Variants in BMPR1B observed in about 807,000 individuals in gnomAD.
The protein encoded by BMPR1B is bone morphogenetic protein receptor type-1B.
In BMPR1B, 12 loss-of-function variants were observed where a neutral mutation model predicts 59.1. That is an observed-to-expected ratio of 0.20 (90% CI 0.13 to 0.33). The LOEUF (loss-of-function observed/expected upper bound fraction) is 0.33, where lower values mean the gene tolerates loss of function less well. BMPR1B is among the 10% of genes least tolerant of loss of function. The pLI is 1.00. For missense variants in BMPR1B, 550 were observed against 610.9 expected, an observed-to-expected ratio of 0.90 and a Z score of 1.05; for synonymous variants, 237 against 207.3, an observed-to-expected ratio of 1.14 and a Z score of -1.23.
chr4:94,968,531 T>G (rs188477976), intron 2 of BMPR1B, among the ~76,000 whole-genome samples: 6 of 152,306 alleles, frequency 3.9e-5, no homozygotes, highest in Non-Finnish European at 7.4e-5. Flanking sequence ...GTTAACCACT[T>G]AAATGTGTTT....
At chr4:94,823,747 GGT>G (rs1491527156) in intron 1 of BMPR1B, among the ~76,000 whole-genome samples, 3 of 47,794 alleles carry the variant, frequency 6.3e-5, no homozygotes, top group Admixed American at 3.1e-4. Flanking sequence ...GTATCCTTTT[GGT>G]TTTTTTTTTT....
At chr4:94,897,623 C>T (rs943330902) in intron 2 of BMPR1B, among the ~76,000 whole-genome samples, 1 of 151,914 alleles carries the variant, frequency 6.6e-6, no homozygotes, top group African/African-American at 2.4e-5. Context: ...CTGTATGTTG[C>T]TTTGTACATG....
At chr4:94,978,590 CCAAA>C (rs1731115618) in intron 2 of BMPR1B, among the ~76,000 whole-genome samples, 1 of 152,118 alleles carries the variant, frequency 6.6e-6, no homozygotes, top group South Asian at 2.1e-4. Context: ...CTTTCACACA[CCAAA>C]CATTTATTGG....
At chr4:94,987,699 G>A (rs1036155744) in intron 2 of BMPR1B, among the ~76,000 whole-genome samples, 3 of 151,608 alleles carry the variant, frequency 2.0e-5, no homozygotes, top group Non-Finnish European at 4.4e-5. Context: ...ACCCCCCCTC[G>A]AAAGATACTT....
intron 3 of BMPR1B, among the ~76,000 whole-genome samples, chr4:95,009,922 C>T (rs1723104401): frequency 6.6e-6 from 1 of 152,140 alleles, no homozygotes; most frequent in African/African-American, 2.4e-5. Context: ...AGTTGAGAAT[C>T]TAGCCAAAAG....
At chr4:94,926,381 T>C (rs1214975279) in intron 2 of BMPR1B, among the ~76,000 whole-genome samples, 1 of 152,064 alleles carries the variant, frequency 6.6e-6, no homozygotes, top group Non-Finnish European at 1.5e-5. Flanking sequence ...ATATGCTTGA[T>C]AGCCTGACTT....
At chr4:94,833,521 C>G (rs1202266185) in intron 1 of BMPR1B, among the ~76,000 whole-genome samples, 1 of 151,988 alleles carries the variant, frequency 6.6e-6, no homozygotes, top group Non-Finnish European at 1.5e-5. Flanking sequence ...TCTCAGTGTT[C>G]TCTTACTCAT....
At chr4:94,878,114 A>C (rs1187695549) in intron 2 of BMPR1B, among the ~76,000 whole-genome samples, 1 of 152,230 alleles carries the variant, frequency 6.6e-6, no homozygotes, top group Non-Finnish European at 1.5e-5. Flanking sequence ...CCGTGGAATA[A>C]TTAGATCAAG....
intron 1 of BMPR1B, among the ~76,000 whole-genome samples, chr4:94,870,156 A>T (rs1726423686): frequency 6.6e-6 from 1 of 152,192 alleles, no homozygotes; most frequent in Non-Finnish European, 1.5e-5. Context: ...AAACTTTTGG[A>T]TAAAAGTCAT....
At chr4:94,931,733 A>G (rs1729099192) in intron 2 of BMPR1B, among the ~76,000 whole-genome samples, 1 of 152,168 alleles carries the variant, frequency 6.6e-6, no homozygotes, top group Admixed American at 6.6e-5. Context: ...CGTGTCACCT[A>G]CAGTGATATC....
chr4:94,865,429 C>T lies in BMPR1B; in HGVS notation c.-182-10402C>T, dbSNP rs183369376. The stretch of plus-strand genomic sequence containing the variant: ...TTTTTGAGACGGAGTCTCGCTCTGT[C>T]ACCCGGGCTGGAGTACAGTGGTTCC... On this transcript the variant is annotated intron_variant, in intron 1 of 12. Coordinates refer to ENST00000515059, the MANE Select transcript of BMPR1B (RefSeq NM_001203.3). 2.1e-3 allele frequency among the ~76,000 whole-genome samples: 316 copies of T among 151,644 alleles called. 1 individual carries two copies. The highest frequency in any genetic ancestry group is 5.7e-3 in the Admixed American group (87 of 15,242).
At chr4:94,851,787 T>C (rs1725576728) in intron 1 of BMPR1B, among the ~76,000 whole-genome samples, 1 of 152,154 alleles carries the variant, frequency 6.6e-6, no homozygotes, top group Non-Finnish European at 1.5e-5. Context: ...GCTTGGCAGA[T>C]AGTAAACACT....
rs1725132684 is a variant in BMPR1B, at chr4:94,842,566, T to G, written c.-182-33265T>G. ...GTAAAAACATCTGAGGATACTTTTT[T>G]TTTTCCTGAGACAGAGTCTCACTCT... On this transcript the variant is annotated intron_variant, in intron 1 of 12. Coordinates refer to ENST00000515059, the MANE Select transcript of BMPR1B (RefSeq NM_001203.3). Among the ~76,000 whole-genome samples the G allele has an allele frequency of 2.0e-5, 3 of 152,198 alleles. 1 individual carries two copies. In the South Asian group the frequency reaches 6.2e-4, roughly 32 times the overall value.
chr4:94,958,318 G>A (rs1454783536), intron 2 of BMPR1B, among the ~76,000 whole-genome samples: 2 of 152,158 alleles, frequency 1.3e-5, no homozygotes, highest in African/African-American at 4.8e-5. Flanking sequence ...TATGGCAGGT[G>A]TATTACCTTG....
At chr4:95,127,179 C>G (rs909353559) in intron 8 of BMPR1B, among the ~76,000 whole-genome samples, 1 of 151,800 alleles carries the variant, frequency 6.6e-6, no homozygotes, top group Admixed American at 6.6e-5. Flanking sequence ...TTTGAAAGTA[C>G]AGTTATAGTC....
chr4:94,807,056 A>G (rs928082907), intron 1 of BMPR1B, among the ~76,000 whole-genome samples: 1 of 152,198 alleles, frequency 6.6e-6, no homozygotes, highest in Non-Finnish European at 1.5e-5. Flanking sequence ...CAGATTTGAT[A>G]TAAAAAATTG....
chr4:95,078,770 A>G (rs1404848947), intron 3 of BMPR1B, among the ~76,000 whole-genome samples: 1 of 151,832 alleles, frequency 6.6e-6, no homozygotes, highest in Non-Finnish European at 1.5e-5. Context: ...TTTCCTTACT[A>G]TTTTTGAGAC....
chr4:95,099,066 G>C (rs1730639982), intron 3 of BMPR1B, among the ~76,000 whole-genome samples: 1 of 152,144 alleles, frequency 6.6e-6, no homozygotes, highest in African/African-American at 2.4e-5. Flanking sequence ...GACTTGTGCA[G>C]ATTGTAGATT....
intron 3 of BMPR1B, among the ~76,000 whole-genome samples, chr4:95,086,209 T>C (rs1729563156): frequency 6.6e-6 from 1 of 152,190 alleles, no homozygotes; most frequent in Non-Finnish European, 1.5e-5. Context: ...AAGAATCCTT[T>C]CTTGTCCCTA....
Sources: allele counts gnomAD v4.1 joint callset (sites outside exome capture counted in the v4.1 genomes callset), GRCh38; gene constraint gnomAD v4.1.1; transcripts MANE v1.5; gene names NCBI Gene and HGNC (gene_info 2026-07-23, HGNC 2026-07-21).